The following MAS1 variants were observed in gnomAD, a reference collection of about 807,000 sequenced individuals.
MAS1 encodes the protein proto-oncogene Mas.
For missense variants in MAS1, 387 were observed against 409.7 expected (o/e 0.94, Z 0.48); for synonymous variants, 163 against 164.2 (o/e 0.99, Z 0.05).
At chr6:159,898,296 G>A (rs768608967) in intron 1 of MAS1, among the ~76,000 whole-genome samples, 2 of 152,010 alleles carry the variant, frequency 1.3e-5, no homozygotes, top group African/African-American at 2.4e-5. Flanking sequence ...GTATAGAGAG[G>A]CTGTAAACAG....
At chr6:159,889,163 G>C (rs528057165), upstream of MAS1, among the ~76,000 whole-genome samples, 1 of 152,312 alleles carries the variant, frequency 6.6e-6, no homozygotes, top group East Asian at 1.9e-4. Context: ...CTTCCTGGCG[G>C]CTTGCTCTTC....
intron 2 of MAS1, among the ~76,000 whole-genome samples, chr6:159,900,035 G>A (rs1167245869): frequency 4.6e-5 from 7 of 152,148 alleles, no homozygotes; most frequent in Admixed American, 4.6e-4. Context: ...GATAGAATGA[G>A]ACTCCATGTC....
In MAS1 at chr6:159,907,704, T is replaced by A; in HGVS notation, c.749T>A (p.Leu250Gln). ...FAMPMRLLYL[L>Q]YYEYWSTFGN... ...ATGCCCATGAGACTCCTTTACCTGC[T>A]GTACTATGAGTATTGGTCGACCTTT... is the stretch of plus-strand genomic sequence containing the variant. Residue 250 changes from leucine (L) to glutamine (Q), a missense_variant, in exon 3 of 3, where the codon CTG becomes CAG. Coordinates refer to ENST00000674077, the MANE Select transcript of MAS1 (RefSeq NM_002377.4). 6.2e-7 allele frequency: 1 copy of A among 1,613,878 alleles called. No homozygotes were observed. Among genetic ancestry groups the A allele is most frequent in the Non-Finnish European group, 8.5e-7 (1 of 1,179,982 alleles).
chr6:159,896,962 C>T (rs1220036991), intron 1 of MAS1, among the ~76,000 whole-genome samples: 1 of 152,112 alleles, frequency 6.6e-6, no homozygotes, highest in Non-Finnish European at 1.5e-5. Context: ...CAAGCTCCGC[C>T]TCTCGGGTTC....
chr6:159,894,391 C>T (rs994096363), intron 1 of MAS1, among the ~76,000 whole-genome samples: 1 of 145,516 alleles, frequency 6.9e-6, no homozygotes, highest in Non-Finnish European at 1.5e-5. Flanking sequence ...TGCACTCCAG[C>T]CTGGGCGACA....
Position 159,916,175 on chromosome 6 carries a change from C to T in MAS1, c.*8242C>T, listed in dbSNP as rs570405761. 3 of 152,228 alleles carry T rather than the reference C, an allele frequency of 2.0e-5. No individual in the cohort carries two copies. The highest frequency in any genetic ancestry group is 7.2e-5 in the African/African-American group (3 of 41,450). The allele number at this position is 152,228 out of a possible 1,614,324, so 9.4% of individuals were successfully genotyped here. ...AATGCACAAGGAAATTCTGTGTAAA[C>T]TTTCAAGCATCAAGCAAATGTTAGT... On this transcript the variant is annotated 3_prime_UTR_variant, in exon 3 of 3. Coordinates refer to ENST00000674077, the MANE Select transcript of MAS1 (RefSeq NM_002377.4).
chr6:159,907,705 G>A lies in MAS1; in HGVS notation c.750G>A (p.Leu250=), dbSNP rs1380620930. The change falls in exon 3 of 3, where the codon CTG becomes CTA. Residue 250 remains leucine (L), a synonymous_variant. Coordinates refer to ENST00000674077, the MANE Select transcript of MAS1 (RefSeq NM_002377.4). ...FAMPMRLLYL[L]YYEYWSTFGN... ...TGCCCATGAGACTCCTTTACCTGCT[G>A]TACTATGAGTATTGGTCGACCTTTG... 2 of 1,613,640 alleles carry A rather than the reference G, an allele frequency of 1.2e-6. No homozygotes were observed. The highest frequency in any genetic ancestry group is 8.5e-7 in the Non-Finnish European group (1 of 1,179,950).
chr6:159,892,595 G>A (rs1411223602), intron 1 of MAS1, among the ~76,000 whole-genome samples: 2 of 152,166 alleles, frequency 1.3e-5, no homozygotes, highest in Non-Finnish European at 2.9e-5. Flanking sequence ...GAACACTTGA[G>A]CAGCATAAAT....
intron 1 of MAS1, among the ~76,000 whole-genome samples, chr6:159,898,516 C>CCTCCTT (rs1212911454): frequency 1.4e-5 from 2 of 144,824 alleles, no homozygotes; most frequent in South Asian, 4.5e-4. Flanking sequence ...TCCTCCTCCT[C>CCTCCTT]CTCCTTCTTC....
Position 159,914,300 on chromosome 6 carries a change from A to G in MAS1, c.*6367A>G, listed in dbSNP as rs1317024962. 6.6e-6 allele frequency: 1 copy of G among 150,958 alleles called. No individual in the cohort carries two copies. Among genetic ancestry groups the G allele is most frequent in the Non-Finnish European group, 1.5e-5 (1 of 67,874 alleles). 9.4% of individuals were successfully genotyped at this position (150,958 alleles called of 1,614,324 possible). The stretch of plus-strand genomic sequence containing the variant: ...TCCCCTGAGTTTTCACAGTCCTTGC[A>G]CTTCACGTCGATCCCCGTGCAATTG... On this transcript the variant is annotated 3_prime_UTR_variant, in exon 3 of 3. Coordinates refer to ENST00000674077, the MANE Select transcript of MAS1 (RefSeq NM_002377.4).
rs774294518 is a variant in MAS1, at chr6:159,907,872, A to G, written c.917A>G (p.Glu306Gly). 2 of 1,611,456 alleles carry G rather than the reference A, an allele frequency of 1.2e-6. No homozygotes were observed. The highest frequency in any genetic ancestry group is 1.7e-6 in the Non-Finnish European group (2 of 1,179,492). The change falls in exon 3 of 3, where the codon GAA (glutamate) becomes GGA (glycine). Residue 306 changes from glutamate (E) to glycine (G), a missense_variant. Transcript: ENST00000674077. ...KVVLTRAFKD[E>G]MQPRRQKDNC... ...GTTCTGACCAGGGCTTTCAAAGATG[A>G]AATGCAACCTCGGCGCCAGAAAGAC...
At chr6:159,900,101 C>T (rs549772490) in intron 2 of MAS1, among the ~76,000 whole-genome samples, 1 of 152,220 alleles carries the variant, frequency 6.6e-6, no homozygotes, top group East Asian at 1.9e-4. Flanking sequence ...CAGAGAGCCT[C>T]TGGTCCTAGA....
rs1782956600 is a variant in MAS1, at chr6:159,910,804, A to G, written c.*2871A>G. 1 of 151,918 alleles carries G rather than the reference A, an allele frequency of 6.6e-6. No individual in the cohort carries two copies. The highest frequency in any genetic ancestry group is 2.1e-4 in the South Asian group (1 of 4,814). The allele number at this position is 151,918 out of a possible 1,614,324, so 9.4% of individuals were successfully genotyped here. A position where few individuals can be genotyped will look rare whatever the true frequency, so the allele number is the denominator to read the frequency against. Reference sequence around the variant, plus strand: ...ACTCACTGTCCTGACTCTTGCCACAATTCACCCCTCAACATCCTGCCATTT... The same window carrying G: ...ACTCACTGTCCTGACTCTTGCCACAGTTCACCCCTCAACATCCTGCCATTT... On this transcript the variant is annotated 3_prime_UTR_variant, in exon 3 of 3. Coordinates refer to ENST00000674077, the MANE Select transcript of MAS1 (RefSeq NM_002377.4).
At position 159,907,503 on chromosome 6, in the gene MAS1, A is replaced by C; in HGVS notation, c.548A>C (p.Asp183Ala). 1 of 1,613,996 alleles carries C rather than the reference A, an allele frequency of 6.2e-7. No homozygotes were observed. The highest frequency in any genetic ancestry group is 8.5e-7 in the Non-Finnish European group (1 of 1,180,002). Residue 183 changes from aspartate to alanine, a missense_variant, in exon 3 of 3, where the codon GAC becomes GCC. Coordinates refer to ENST00000674077, the MANE Select transcript of MAS1 (RefSeq NM_002377.4). ...GAAGAAGAGAGTCACTCTCGGAATG[A>C]CTGCCGAGCAGTCATCATCTTTATA... ...DREEESHSRN[D>A]CRAVIIFIAI...
In MAS1 at chr6:159,913,868, T is replaced by C. The variant is rs1252317322; in HGVS notation, c.*5935T>C. On this transcript the variant is annotated 3_prime_UTR_variant, in exon 3 of 3. Coordinates refer to ENST00000674077, the MANE Select transcript of MAS1 (RefSeq NM_002377.4). ...GTCCTCATTTTAACAAGATTCCTTT[T>C]TAACAATCTTTTACTAAAACCAGTC... 1 of 152,268 alleles carries C rather than the reference T, an allele frequency of 6.6e-6. No homozygotes were observed. The highest frequency in any genetic ancestry group is 2.4e-5 in the African/African-American group (1 of 41,474). The allele number at this position is 152,268 out of a possible 1,614,324, so 9.4% of individuals were successfully genotyped here.
chr6:159,894,418 C>CAAAAAAAAAAAAAAAA (rs5881344), intron 1 of MAS1, among the ~76,000 whole-genome samples: 1 of 79,134 alleles, frequency 1.3e-5, no homozygotes, highest in African/African-American at 4.8e-5. Flanking sequence ...GACCCTGTCT[C>CAAAAAAAAAAAAAAAA]AAAAAAAAAA....
At chr6:159,906,200 C>T (rs1456314459) in intron 2 of MAS1, among the ~76,000 whole-genome samples, 2 of 152,154 alleles carry the variant, frequency 1.3e-5, no homozygotes, top group African/African-American at 4.8e-5. Flanking sequence ...TTTCCCGCAC[C>T]ATCTGGCCTG....
chr6:159,901,626 A>C (rs770516084), intron 2 of MAS1, among the ~76,000 whole-genome samples: 1 of 152,042 alleles, frequency 6.6e-6, no homozygotes, highest in Non-Finnish European at 1.5e-5. Flanking sequence ...AAAAATTTTA[A>C]CTCTGCTCTG....
At chr6:159,903,889 C>T (rs1334912534) in intron 2 of MAS1, among the ~76,000 whole-genome samples, 5 of 152,202 alleles carry the variant, frequency 3.3e-5, no homozygotes, top group Admixed American at 6.5e-5. Context: ...CCCATTCTGT[C>T]TAAACCACTT....
Sources: allele counts gnomAD v4.1 joint callset (sites outside exome capture counted in the v4.1 genomes callset), GRCh38; gene constraint gnomAD v4.1.1; transcripts MANE v1.5; gene names NCBI Gene and HGNC (gene_info 2026-07-23, HGNC 2026-07-21).